PDHX: variants seen among roughly 807,000 people sequenced by gnomAD.
PDHX encodes the protein pyruvate dehydrogenase protein X component, mitochondrial.
Under a neutral mutation model 55.3 loss-of-function variants are expected in PDHX, and 33 were observed. The observed-to-expected ratio is 0.60, with a 90% CI of 0.45 to 0.80. The LOEUF (loss-of-function observed/expected upper bound fraction) is 0.80. Ranked by LOEUF, PDHX falls within the 30% of genes least tolerant of loss-of-function variation. The pLI, the probability that PDHX is intolerant of heterozygous loss-of-function variation, is 0.00. For synonymous variants in PDHX, 226 were observed against 219.4 expected (o/e 1.03, Z -0.27); for missense variants, 622 against 619.9 (o/e 1.00, Z -0.04).
At chr11:34,981,369 A>G (rs1855509542) in intron 8 of PDHX, among the ~76,000 whole-genome samples, 3 of 152,070 alleles carry the variant, frequency 2.0e-5, no homozygotes, top group Admixed American at 6.5e-5. Flanking sequence ...CATGGTGTAT[A>G]TGTGCCACAT....
At chr11:34,978,383 A>G (rs969996987) in intron 8 of PDHX, among the ~76,000 whole-genome samples, 1 of 152,206 alleles carries the variant, frequency 6.6e-6, no homozygotes, top group Admixed American at 6.5e-5. Context: ...TTAGAGCAGG[A>G]TGAAAACCAT....
chr11:34,931,744 CTTATGCCTAGCT>C (rs1854178067), intron 2 of PDHX, among the ~76,000 whole-genome samples: 1 of 151,452 alleles, frequency 6.6e-6, no homozygotes, highest in South Asian at 2.1e-4. Context: ...ACTTTTAGTC[CTTATGCCTAGCT>C]TTTAGTTTCA....
chr11:34,925,190 T>C (rs1853989384), intron 1 of PDHX, among the ~76,000 whole-genome samples: 1 of 152,228 alleles, frequency 6.6e-6, no homozygotes, highest in Non-Finnish European at 1.5e-5. Flanking sequence ...ACTTAACTTA[T>C]TTTTGCAGTT....
intron 2 of PDHX, among the ~76,000 whole-genome samples, chr11:34,941,188 C>A (rs1854467877): frequency 6.6e-6 from 1 of 152,136 alleles, no homozygotes; most frequent in Non-Finnish European, 1.5e-5. Flanking sequence ...GCCTAGCAAC[C>A]AGGTTGCCTC....
chr11:34,936,025 G>A (rs1353980526), intron 2 of PDHX, among the ~76,000 whole-genome samples: 1 of 152,224 alleles, frequency 6.6e-6, no homozygotes, highest in East Asian at 1.9e-4. Flanking sequence ...AGAAGGTCTA[G>A]CCTTTCATAG....
intron 3 of PDHX, among the ~76,000 whole-genome samples, chr11:34,952,691 CAA>C (rs1345547216): frequency 5.8e-4 from 88 of 151,644 alleles, no homozygotes; most frequent in African/African-American, 2.1e-3. Flanking sequence ...GGATGTATCT[CAA>C]AATAATAAGA....
At chr11:34,986,322 A>G (rs67192393) in intron 9 of PDHX, among the ~76,000 whole-genome samples, 234 of 147,364 alleles carry the variant, frequency 1.6e-3, no homozygotes, top group Middle Eastern at 7.0e-3. Context: ...AAAAAAAAAA[A>G]AAAAGAAAGG....
upstream of PDHX, chr11:34,916,453 G>A: frequency 6.8e-7 from 1 of 1,466,976 alleles, no homozygotes; most frequent in Non-Finnish European, 9.0e-7. Context: ...CCCGCCGGCT[G>A]AGATATCCAG....
At chr11:34,971,968 G>T (rs1463684142) in intron 7 of PDHX, among the ~76,000 whole-genome samples, 1 of 151,286 alleles carries the variant, frequency 6.6e-6, no homozygotes, top group African/African-American at 2.4e-5. Context: ...TTGGTAGTTT[G>T]TGTCTTTCAA....
At chr11:34,987,793 A>G (rs149493002) in intron 9 of PDHX, among the ~76,000 whole-genome samples, 20 of 151,862 alleles carry the variant, frequency 1.3e-4, no homozygotes, top group African/African-American at 4.8e-4. Flanking sequence ...TTTTGACTCA[A>G]TTCCAAGTTA....
In PDHX at chr11:34,918,861, A is replaced by C. The variant is rs571655542; in HGVS notation, c.160+2046A>C. ...TAAGATTCTTTGACTCATGGGCTTC[A>C]AAGTCAGCAATGGCTGGTTCAGTCT... On this transcript the variant is annotated intron_variant, in intron 1 of 10. Transcript: ENST00000227868. Among the ~76,000 whole-genome samples the C allele has an allele frequency of 2.0e-5, 3 of 152,288 alleles. No individual in the cohort carries two copies. In the South Asian group the frequency reaches 6.2e-4, roughly 32 times the overall value.
chr11:34,932,140 C>G (rs1854192502), intron 2 of PDHX, among the ~76,000 whole-genome samples: 1 of 151,952 alleles, frequency 6.6e-6, no homozygotes, highest in Non-Finnish European at 1.5e-5. Flanking sequence ...GGATAAATTA[C>G]AAATGAATTA....
chr11:34,970,214 G>A lies in PDHX; in HGVS notation c.892G>A (p.Val298Ile), dbSNP rs757601482. ...GAGATTAACTGAATCTAAAAGTACT[G>A]TACCTCATGCATATGCTACTGCTGA... ...AKRLTESKST[V>I]PHAYATADCD... is the part of the protein sequence containing the mutation. Residue 298 changes from valine (V) to isoleucine (I), a missense_variant, in exon 7 of 11, where the codon GTA (valine) becomes ATA (isoleucine). Val to Ile is a conservative substitution (Grantham distance 29, BLOSUM62 3). Coordinates refer to ENST00000227868, the MANE Select transcript of PDHX (RefSeq NM_003477.3). The A allele has an allele frequency of 1.2e-6, 2 of 1,612,642 alleles. No individual in the cohort carries two copies. Among genetic ancestry groups the A allele is most frequent in the Admixed American group, 3.3e-5 (2 of 60,016 alleles).
intron 2 of PDHX, 125 bp from the exon 3 acceptor site, chr11:34,947,381 A>T: frequency 1.5e-6 from 1 of 682,648 alleles, no homozygotes; most frequent in South Asian, 1.8e-5. Flanking sequence ...AATTACTTGT[A>T]TTTCCACAAC....
At chr11:34,957,729 G>GT (rs3831063) in intron 4 of PDHX, 146 bp downstream of exon 4, 1,681 of 528,268 alleles carry the variant, frequency 3.2e-3, no homozygotes, top group South Asian at 4.2e-3. Flanking sequence ...TAGAGTGTGT[G>GT]TTTTTTTTTT....
At chr11:34,939,849 A>G (rs1160529893) in intron 2 of PDHX, among the ~76,000 whole-genome samples, 1 of 152,232 alleles carries the variant, frequency 6.6e-6, no homozygotes, top group African/African-American at 2.4e-5. Context: ...ATATCATAAA[A>G]TTAGTACAGA....
intron 5 of PDHX, among the ~76,000 whole-genome samples, chr11:34,963,469 G>A (rs1205539301): frequency 6.6e-6 from 1 of 152,038 alleles, no homozygotes; most frequent in Non-Finnish European, 1.5e-5. Context: ...TTGTAGAGAC[G>A]GTTTCTCACT....
intron 8 of PDHX, 128 bp from the exon 9 acceptor site, chr11:34,984,442 G>A (rs778120831): frequency 1.3e-5 from 10 of 777,458 alleles, no homozygotes; most frequent in African/African-American, 5.3e-5. Flanking sequence ...TTTTTCAAAC[G>A]AAATTTTTAT....
At chr11:34,964,999 G>C (rs1855102080) in intron 5 of PDHX, among the ~76,000 whole-genome samples, 1 of 152,084 alleles carries the variant, frequency 6.6e-6, no homozygotes, top group African/African-American at 2.4e-5. Flanking sequence ...ACCCCAGTTA[G>C]ACTGTTCCTG....
Sources: allele counts gnomAD v4.1 joint callset (sites outside exome capture counted in the v4.1 genomes callset), GRCh38; gene constraint gnomAD v4.1.1; transcripts MANE v1.5; gene names NCBI Gene and HGNC (gene_info 2026-07-23, HGNC 2026-07-21).